VPS13B: variants seen among roughly 807,000 people sequenced by gnomAD.
VPS13B encodes the protein vacuolar protein sorting 13 homolog B.
A neutral mutation model predicts 426.4 loss-of-function variants in VPS13B; 285 were observed. The observed-to-expected ratio is 0.67, with a 90% CI of 0.61 to 0.74. The LOEUF (loss-of-function observed/expected upper bound fraction) is 0.74, where lower values mean the gene tolerates loss of function less well. Ranked by LOEUF, VPS13B falls within the 30% of genes least tolerant of loss-of-function variation. The probability of loss-of-function intolerance (pLI) is 0.00; values close to 1 mark genes in which losing one functional copy is unlikely to be tolerated. For synonymous variants in VPS13B, 1,676 were observed against 1,676.4 expected (o/e 1.00, Z 0.01); for missense variants, 4,537 against 4,782.6 (o/e 0.95, Z 1.51).
chr8:99,729,905 G>C (rs1451642697), intron 39 of VPS13B, among the ~76,000 whole-genome samples: 1 of 152,156 alleles, frequency 6.6e-6, no homozygotes, highest in South Asian at 2.1e-4. Flanking sequence ...GACTTTACAA[G>C]CTTCCCGTAA....
At chr8:99,676,427 C>T (rs1007602556) in intron 35 of VPS13B, among the ~76,000 whole-genome samples, 1 of 152,034 alleles carries the variant, frequency 6.6e-6, no homozygotes, top group Non-Finnish European at 1.5e-5. Flanking sequence ...TACATGGGTA[C>T]TGACCTAAAT....
At chr8:99,678,793 T>G (rs1262673576) in intron 35 of VPS13B, among the ~76,000 whole-genome samples, 1 of 152,212 alleles carries the variant, frequency 6.6e-6, no homozygotes, top group Non-Finnish European at 1.5e-5. Context: ...ACCTACTATT[T>G]GAGTATTCAG....
chr8:99,331,431 T>A (rs1049749506), intron 19 of VPS13B, among the ~76,000 whole-genome samples: 2 of 151,794 alleles, frequency 1.3e-5, no homozygotes, highest in African/African-American at 4.8e-5. Flanking sequence ...TTTAGAGCTG[T>A]AGAGCAGCCA....
chr8:99,559,943 GA>G (rs1824811688), intron 31 of VPS13B, among the ~76,000 whole-genome samples: 1 of 152,160 alleles, frequency 6.6e-6, no homozygotes, highest in Non-Finnish European at 1.5e-5. Flanking sequence ...ATTCTGTGAA[GA>G]AAGTCATTGG....
At chr8:99,568,345 C>T (rs1825296105) in intron 31 of VPS13B, among the ~76,000 whole-genome samples, 1 of 149,916 alleles carries the variant, frequency 6.7e-6, no homozygotes, top group East Asian at 2.0e-4. Context: ...GGCTGGAGTG[C>T]AGTGGTGCAA....
intron 17 of VPS13B, among the ~76,000 whole-genome samples, chr8:99,249,758 G>A (rs565941344): frequency 6.9e-4 from 105 of 152,244 alleles, no homozygotes; most frequent in Middle Eastern, 3.4e-3. Flanking sequence ...GCCAAACTTG[G>A]GGCCAGGCAT....
At chr8:99,614,276 T>C (rs144186902) in intron 33 of VPS13B, among the ~76,000 whole-genome samples, 20,541 of 151,328 alleles carry the variant, frequency 0.14, 1,921 homozygotes, top group East Asian at 0.38. Flanking sequence ...CACACACATA[T>C]ATATATATAT....
At chr8:99,396,744 C>T (rs942144395) in intron 21 of VPS13B, among the ~76,000 whole-genome samples, 62 of 152,198 alleles carry the variant, frequency 4.1e-4, no homozygotes, top group African/African-American at 1.4e-3. Context: ...CTTTTATGAT[C>T]GTGTTTCATA....
chr8:99,719,334 A>G (rs1336096034), intron 37 of VPS13B, among the ~76,000 whole-genome samples: 1 of 152,212 alleles, frequency 6.6e-6, no homozygotes, highest in African/African-American at 2.4e-5. Flanking sequence ...CTAGAGCACA[A>G]CATTCTACTC....
chr8:99,412,351 G>A (rs541729961), intron 21 of VPS13B, among the ~76,000 whole-genome samples: 135 of 152,174 alleles, frequency 8.9e-4, no homozygotes, highest in African/African-American at 2.7e-3. Context: ...GGGAATTCCC[G>A]CATGATTTGG....
rs962495334 is a variant in VPS13B at position 99,373,551 on chromosome 8, G to A, written c.2825-10657G>A. Among the ~76,000 whole-genome samples, 15 of 152,268 alleles carry A rather than the reference G, an allele frequency of 9.9e-5. No homozygotes were observed. The East Asian group carries it at 2.9e-3, about 29-fold the overall frequency. On this transcript the variant is annotated intron_variant, in intron 19 of 61. Coordinates refer to ENST00000357162, the MANE Select transcript of VPS13B (RefSeq NM_152564.5). ...AAGACACATAAGTCAGATAGAAGGA[G>A]ATAAAATGTTAACTTAGGCCGAGCA...
intron 34 of VPS13B, among the ~76,000 whole-genome samples, chr8:99,660,865 CAAAGATCTAGAAGTAA>C (rs1830194608): frequency 6.6e-6 from 1 of 151,932 alleles, no homozygotes; most frequent in Non-Finnish European, 1.5e-5. Context: ...AGGTTAACTT[CAAAGATCTAGAAGTAA>C]AAAGTGATTG....
Position 99,508,237 on chromosome 8 carries a change from A to C in VPS13B, c.4224+1034A>C, listed in dbSNP as rs1046903486. 2.6e-5 allele frequency among the ~76,000 whole-genome samples: 4 copies of C among 152,266 alleles called. No homozygotes were observed. The South Asian group carries it at 6.2e-4, about 24-fold the overall frequency. ...TGTCATTCCTCTTACGATTCTTAAT[A>C]AGATTGCCTTTAAAAATTTTTTTTC... On this transcript the variant is annotated intron_variant, in intron 28 of 61. Coordinates refer to ENST00000357162, the MANE Select transcript of VPS13B (RefSeq NM_152564.5).
chr8:99,569,447 G>GAA (rs372498776), intron 31 of VPS13B, among the ~76,000 whole-genome samples: 3 of 135,104 alleles, frequency 2.2e-5, no homozygotes, highest in Admixed American at 7.4e-5. Context: ...ACACAAAAGG[G>GAA]AAAAAAAAAA....
chr8:99,403,840 A>G (rs769114756), intron 21 of VPS13B, among the ~76,000 whole-genome samples: 54 of 152,304 alleles, frequency 3.5e-4, no homozygotes, highest in Non-Finnish European at 5.6e-4. Context: ...AAAACACATT[A>G]CTGTTTTGAT....
chr8:99,035,368 A>G (rs935761553), intron 2 of VPS13B, among the ~76,000 whole-genome samples: 2 of 152,116 alleles, frequency 1.3e-5, no homozygotes, highest in African/African-American at 4.8e-5. Context: ...CCACCAGTCT[A>G]CTTTCTAAGA....
At chr8:99,045,189 G>T (rs1843172553) in intron 3 of VPS13B, among the ~76,000 whole-genome samples, 1 of 152,064 alleles carries the variant, frequency 6.6e-6, no homozygotes, top group Non-Finnish European at 1.5e-5. Context: ...AAGTGTTCCT[G>T]GTTTACTGGA....
At chr8:99,461,179 G>A (rs1385849158) in intron 23 of VPS13B, among the ~76,000 whole-genome samples, 1 of 151,106 alleles carries the variant, frequency 6.6e-6, no homozygotes, top group African/African-American at 2.4e-5. Flanking sequence ...TAAATATTTA[G>A]CCTGGAAATG....
At chr8:99,635,583 T>C (rs1829035544) in intron 33 of VPS13B, among the ~76,000 whole-genome samples, 1 of 152,026 alleles carries the variant, frequency 6.6e-6, no homozygotes, top group South Asian at 2.1e-4. Context: ...AATTTCCTTT[T>C]CTTGTCAGCC....
Sources: gnomAD v4.1 joint callset for allele counts (sites outside exome capture counted in the v4.1 genomes callset) on GRCh38, gnomAD v4.1.1 for gene constraint, MANE v1.5 for transcripts, NCBI Gene and HGNC (gene_info 2026-07-23, HGNC 2026-07-21) for gene names.